GRK1: variants seen among roughly 807,000 people sequenced by gnomAD.
GRK1 encodes rhodopsin kinase GRK1.
Under a neutral mutation model 41.7 loss-of-function variants are expected in GRK1, and 28 were observed. The ratio of observed to expected loss-of-function variants is 0.67; its 90% confidence interval spans 0.50 to 0.92. GRK1 has a LOEUF of 0.92. GRK1 is among the 40% of genes least tolerant of loss of function. GRK1 has a pLI of 0.00. For missense variants in GRK1, 703 were observed against 671.2 expected, an observed-to-expected ratio of 1.05 and a Z score of -0.52; for synonymous variants, 327 against 286.7, an observed-to-expected ratio of 1.14 and a Z score of -1.42.
At position 113,667,282 on chromosome 13, in the gene GRK1, G is replaced by T; in HGVS notation, c.-105G>T. On this transcript the variant is annotated 5_prime_UTR_variant, in exon 1 of 7. Transcript: ENST00000335678. The surrounding 1 kb of genome is among the most constrained non-coding windows in gnomAD (Gnocchi z 7.5). ...CTCTCGTCCAGCAAGGGCAGGGACG[G>T]GCCACAGGCCAAGGGCAGCAGTCAG... 1 of 1,155,080 alleles carries T rather than the reference G, an allele frequency of 8.7e-7. No individual in the cohort carries two copies. The highest frequency in any genetic ancestry group is 1.2e-6 in the Non-Finnish European group (1 of 836,316). 71.6% of individuals were successfully genotyped at this position (1,155,080 alleles called of 1,614,324 possible). A position where few individuals can be genotyped will look rare whatever the true frequency, so the allele number is the denominator to read the frequency against.
the GRK1 span, among the ~76,000 whole-genome samples, chr13:113,657,271 C>T: frequency 2.0e-5 from 3 of 152,318 alleles, no homozygotes; most frequent in East Asian, 1.9e-4. Flanking sequence ...CCGGGGACGG[C>T]ACCAGGCCAG....
chr13:113,662,881 G>A (rs567640591), upstream of GRK1, among the ~76,000 whole-genome samples: 96 of 152,198 alleles, frequency 6.3e-4, no homozygotes, highest in African/African-American at 2.3e-3. Context: ...ATTGATATAG[G>A]GTGCAACATA....
In GRK1 at chr13:113,731,171, C is replaced by T. The variant is rs1003997728; in HGVS notation, c.1070-48C>T. On this transcript the variant is annotated intron_variant, in intron 4 of 6. Transcript: ENST00000335678. The surrounding 1 kb of genome is among the most constrained non-coding windows in gnomAD (Gnocchi z 5.6). ...TCCTGCGATTCCTGGAGTGCGTGCC[C>T]ACCATGGAGGTGACCACCTCTGAAC... The T allele has an allele frequency of 6.6e-7, 1 of 1,523,460 alleles. No individual in the cohort carries two copies. Among genetic ancestry groups the T allele is most frequent in the African/African-American group, 1.4e-5 (1 of 72,888 alleles). 94.4% of individuals were successfully genotyped at this position (1,523,460 alleles called of 1,614,324 possible).
chr13:113,732,727 G>C (rs941861747), intron 5 of GRK1, 157 bp from the exon 6 acceptor site: 5 of 266,962 alleles, frequency 1.9e-5, no homozygotes, highest in Non-Finnish European at 2.9e-5. Context: ...CCTGAGACTG[G>C]AGCCTCAAAC....
chr13:113,668,890 C>G (rs1336173108), intron 1 of GRK1, among the ~76,000 whole-genome samples: 1 of 152,256 alleles, frequency 6.6e-6, no homozygotes. Flanking sequence ...AACCTCAACC[C>G]TCAGTGAAGG....
chr13:113,659,851 C>T, the GRK1 span, among the ~76,000 whole-genome samples: 1 of 152,284 alleles, frequency 6.6e-6, no homozygotes, highest in Admixed American at 6.5e-5. Flanking sequence ...TGTTCACAGA[C>T]TGTGGCCCTG....
At chr13:113,730,468 C>T (rs1161462794) in intron 4 of GRK1, among the ~76,000 whole-genome samples, 1 of 152,014 alleles carries the variant, frequency 6.6e-6, no homozygotes, top group Non-Finnish European at 1.5e-5. Flanking sequence ...GTCTCCGCGG[C>T]TGCACCCAGA....
chr13:113,671,952 C>T lies in GRK1; in HGVS notation c.985+296C>T, dbSNP rs2049860467. Among the ~76,000 whole-genome samples the T allele has an allele frequency of 6.6e-6, 1 of 152,002 alleles. No homozygotes were observed. The highest frequency in any genetic ancestry group is 1.9e-4 in the East Asian group (1 of 5,170). On this transcript the variant is annotated intron_variant, in intron 3 of 6. Transcript: ENST00000335678. The surrounding 1 kb of genome is among the most constrained non-coding windows in gnomAD (Gnocchi z 4.1). ...CAGGGATTCTTCTCAGAAATAAACA[C>T]GAGGGTTTAGGCTCCCGACAGCGGC...
rs201676748 is a variant in GRK1, at chr13:113,667,477, C to T, written c.91C>T (p.Arg31Trp). 3.9e-5 allele frequency: 63 copies of T among 1,610,702 alleles called. No individual in the cohort carries two copies. The highest frequency in any genetic ancestry group is 3.3e-4 in the African/African-American group (25 of 74,860). ...TGACGGCAGCAGCTCCCAACCCTCC[C>T]GGGACAAGAAGTACCTGGCCAAGCT... ...SFDGSSSQPS[R>W]DKKYLAKLKL... Residue 31 changes from arginine to tryptophan, a missense_variant, in exon 1 of 7, where the codon CGG becomes TGG. Physicochemically the swap from Arg to Trp is moderately radical, Grantham distance 101 (BLOSUM62 -3). Coordinates refer to ENST00000335678, the MANE Select transcript of GRK1 (RefSeq NM_002929.3). The surrounding 1 kb of genome is among the most constrained non-coding windows in gnomAD (Gnocchi z 7.5).
At chr13:113,663,433 A>G (rs1020702803), upstream of GRK1, among the ~76,000 whole-genome samples, 7 of 152,240 alleles carry the variant, frequency 4.6e-5, no homozygotes, top group Non-Finnish European at 8.8e-5. Flanking sequence ...CTGGGGCTGG[A>G]CAACACCAAA....
Position 113,733,878 on chromosome 13 carries a change from CATACGTGT to C in GRK1, c.1396+794_1396+801del, listed in dbSNP as rs1419082597. The stretch of plus-strand genomic sequence containing the variant: ...GTGTGCATACGTGTGTGCGTGTGTG[CATACGTGT>C]GTGCGTGTGTGTATGTGTGCATACA... On this transcript the variant is annotated intron_variant, in intron 6 of 6. Coordinates refer to ENST00000335678, the MANE Select transcript of GRK1 (RefSeq NM_002929.3). Among the ~76,000 whole-genome samples, 5 of 78,132 alleles carry C rather than the reference CATACGTGT, an allele frequency of 6.4e-5. No homozygotes were observed. The East Asian group carries it at 1.1e-3, about 17-fold the overall frequency. 51.3% of individuals were successfully genotyped at this position (78,132 alleles called of 152,430 possible).
At chr13:113,656,489 C>T in the GRK1 span, among the ~76,000 whole-genome samples, 1 of 152,150 alleles carries the variant, frequency 6.6e-6, no homozygotes, top group Non-Finnish European at 1.5e-5. Context: ...TCGGGAGGGC[C>T]ATGCTCCCTG....
rs2049992350 is a variant in GRK1 at position 113,735,046 on chromosome 13, CT to C, written c.1397-21del. ...CTTCCCACCACGAGGAGCCTGGCGT[CT>C]GTGTTTTCTGTCTCCCACAGGGATG... On this transcript the variant is annotated intron_variant, in intron 6 of 6. Transcript: ENST00000335678. The C allele has an allele frequency of 2.7e-6, 4 of 1,473,096 alleles. No homozygotes were observed. In the Admixed American group the frequency reaches 9.1e-5, roughly 34 times the overall value. 91.3% of individuals were successfully genotyped at this position (1,473,096 alleles called of 1,614,324 possible). A position where few individuals can be genotyped will look rare whatever the true frequency, so the allele number is the denominator to read the frequency against.
chr13:113,727,334 A>C (rs1594575888), intron 4 of GRK1, among the ~76,000 whole-genome samples: 1 of 152,198 alleles, frequency 6.6e-6, no homozygotes, highest in Non-Finnish European at 1.5e-5. Flanking sequence ...CGGTCTATGG[A>C]CTGGGTTGTG....
At chr13:113,652,897 T>G in the GRK1 span, 8 of 1,614,070 alleles carry the variant, frequency 5.0e-6, no homozygotes, top group African/African-American at 4.0e-5. Flanking sequence ...TAATAAAACA[T>G]GGCTTTCCTT....
chr13:113,662,636 G>A (rs1306249976), upstream of GRK1, among the ~76,000 whole-genome samples: 1 of 152,162 alleles, frequency 6.6e-6, no homozygotes, highest in East Asian at 1.9e-4. Flanking sequence ...AAAATCCACT[G>A]TACATCTATA....
chr13:113,671,826 C>G lies in GRK1; in HGVS notation c.985+170C>G, dbSNP rs1187273522. The stretch of plus-strand genomic sequence containing the variant: ...GGAGGTGTCATCGGGCACCAGGAGT[C>G]ACAGGAGTGAGTGCAGGGGTCTGTG... On this transcript the variant is annotated intron_variant, in intron 3 of 6. Transcript: ENST00000335678. The surrounding 1 kb of genome is among the most constrained non-coding windows in gnomAD (Gnocchi z 4.1). 6.6e-6 allele frequency among the ~76,000 whole-genome samples: 1 copy of G among 152,094 alleles called. No individual in the cohort carries two copies. The highest frequency in any genetic ancestry group is 2.4e-5 in the African/African-American group (1 of 41,392).
At chr13:113,653,133 C>G in the GRK1 span, 37 of 1,558,898 alleles carry the variant, frequency 2.4e-5, no homozygotes, top group African/African-American at 4.2e-4. Flanking sequence ...GGCTGCCCCC[C>G]GGGAAGGCCT....
Position 113,669,674 on chromosome 13 carries a change from T to C in GRK1, c.700-13T>C. 6.2e-7 allele frequency: 1 copy of C among 1,613,850 alleles called. No homozygotes were observed. Among genetic ancestry groups the C allele is most frequent in the African/African-American group, 1.3e-5 (1 of 75,052 alleles). On this transcript the variant is annotated splice_polypyrimidine_tract_variant and intron_variant, in intron 1 of 6. Coordinates refer to ENST00000335678, the MANE Select transcript of GRK1 (RefSeq NM_002929.3). Reference sequence around the variant, plus strand: ...ATTCAAAGCCAGTGCGTACTCAGCGTCTCACTTTTCAGGGTGCTATGGTGG... The same window carrying C: ...ATTCAAAGCCAGTGCGTACTCAGCGCCTCACTTTTCAGGGTGCTATGGTGG...
Sources: gnomAD v4.1 joint callset for allele counts (sites outside exome capture counted in the v4.1 genomes callset) on GRCh38, gnomAD v4.1.1 for gene constraint, Gnocchi (gnomAD v3.1) non-coding constraint, MANE v1.5 for transcripts, NCBI Gene and HGNC (gene_info 2026-07-23, HGNC 2026-07-21) for gene names.